SRGAP3: variants seen among roughly 807,000 people sequenced by gnomAD.
SRGAP3 encodes the protein SLIT-ROBO Rho GTPase-activating protein 3.
In SRGAP3, 39 loss-of-function variants were observed where a neutral mutation model predicts 121.1. The ratio of observed to expected loss-of-function variants is 0.32; its 90% CI spans 0.25 to 0.42. SRGAP3 has a LOEUF of 0.42. Ranked by LOEUF, SRGAP3 falls within the 10% of genes least tolerant of loss-of-function variation. SRGAP3 has a pLI of 1.00. For missense variants in SRGAP3, 1,213 were observed against 1,470.6 expected, an observed-to-expected ratio of 0.82 and a Z score of 2.86; for synonymous variants, 601 against 570.0, an observed-to-expected ratio of 1.05 and a Z score of -0.77.
chr3:9,090,604 A>G (rs1387937011), intron 3 of SRGAP3, among the ~76,000 whole-genome samples: 1 of 152,048 alleles, frequency 6.6e-6, no homozygotes, highest in Non-Finnish European at 1.5e-5. Flanking sequence ...AGGTCCTAAG[A>G]CTTTATGAGT....
chr3:9,208,547 C>G (rs373799964), intron 1 of SRGAP3, among the ~76,000 whole-genome samples: 1 of 152,210 alleles, frequency 6.6e-6, no homozygotes, highest in Non-Finnish European at 1.5e-5. Context: ...AGAGTTTGGG[C>G]AGCAGGTAAG....
chr3:9,338,954 C>T (rs956361300), intron 1 of SRGAP3, among the ~76,000 whole-genome samples: 1 of 152,196 alleles, frequency 6.6e-6, no homozygotes, highest in African/African-American at 2.4e-5. Flanking sequence ...AGCTAAAAAA[C>T]GTGCATTCTT....
intron 2 of SRGAP3, among the ~76,000 whole-genome samples, chr3:9,326,627 C>T (rs991577836): frequency 5.9e-5 from 9 of 151,676 alleles, no homozygotes; most frequent in Non-Finnish European, 1.3e-4. Flanking sequence ...AGTTGCTTCT[C>T]CAATTTAGGT....
At chr3:9,119,199 G>A (rs560819854) in intron 2 of SRGAP3, among the ~76,000 whole-genome samples, 1 of 152,256 alleles carries the variant, frequency 6.6e-6, no homozygotes, top group Admixed American at 6.5e-5. Context: ...GGCAGAAACA[G>A]GAGACATCCT....
rs549264067 is a variant in SRGAP3 at position 8,981,917 on chromosome 3, T to G, written c.*3602A>C. 1 of 227,390 alleles carries G rather than the reference T, an allele frequency of 4.4e-6. No individual in the cohort carries two copies. The highest frequency in any genetic ancestry group is 8.7e-6 in the Non-Finnish European group (1 of 114,352). 14.1% of individuals were successfully genotyped at this position (227,390 alleles called of 1,614,324 possible). A position where few individuals can be genotyped will look rare whatever the true frequency, so the allele number is the denominator to read the frequency against. ...CTCGCAATTCCCTCCGATTGTGCAC[T>G]CTGTCCGGGGTTCAAAAGGCGCTTC... On this transcript the variant is annotated 3_prime_UTR_variant, in exon 22 of 22. Coordinates refer to ENST00000383836, the MANE Select transcript of SRGAP3 (RefSeq NM_014850.4).
intron 3 of SRGAP3, among the ~76,000 whole-genome samples, chr3:9,308,488 T>C (rs530726675): frequency 6.6e-6 from 1 of 152,324 alleles, no homozygotes; most frequent in Admixed American, 6.5e-5. Flanking sequence ...CAGATCTTTT[T>C]ATGAGCATTT....
At chr3:9,349,912 C>T (rs2030001389) in intron 1 of SRGAP3, 1 of 152,136 alleles carries the variant, frequency 6.6e-6, no homozygotes, top group Admixed American at 6.5e-5. Context: ...TGTTTCGTGA[C>T]AATGAAATGC....
chr3:9,150,787 G>A (rs1259387408), intron 1 of SRGAP3, among the ~76,000 whole-genome samples: 1 of 152,226 alleles, frequency 6.6e-6, no homozygotes, highest in East Asian at 1.9e-4. Context: ...GAGGCTGTGT[G>A]TTGTGGCATT....
chr3:9,264,263 C>T (rs906972617), intron 3 of SRGAP3, among the ~76,000 whole-genome samples: 1 of 152,186 alleles, frequency 6.6e-6, no homozygotes, highest in Non-Finnish European at 1.5e-5. Context: ...CAGCCAGTAT[C>T]ATACTGAATG....
chr3:9,312,149 T>A (rs1955259218), intron 3 of SRGAP3, among the ~76,000 whole-genome samples: 1 of 152,160 alleles, frequency 6.6e-6, no homozygotes. Context: ...TTTTTTGTTG[T>A]TGTTGTTATT....
chr3:8,994,980 G>A (rs1351695192), intron 18 of SRGAP3, among the ~76,000 whole-genome samples: 3 of 152,128 alleles, frequency 2.0e-5, no homozygotes, highest in African/African-American at 4.8e-5. Context: ...TGCAAAATCC[G>A]ATACAGGATT....
intron 1 of SRGAP3, among the ~76,000 whole-genome samples, chr3:9,187,833 G>A (rs1353616675): frequency 7.2e-5 from 11 of 152,128 alleles, no homozygotes; most frequent in African/African-American, 2.4e-5. Context: ...ACTTATACCC[G>A]TCAGAGACGC....
intron 3 of SRGAP3, among the ~76,000 whole-genome samples, chr3:9,317,978 A>C (rs1955376098): frequency 6.6e-6 from 1 of 152,212 alleles, no homozygotes; most frequent in Non-Finnish European, 1.5e-5. Context: ...TTCTTAATCT[A>C]CTGCACAGTT....
intron 1 of SRGAP3, among the ~76,000 whole-genome samples, chr3:9,166,267 T>A (rs189558915): frequency 6.6e-6 from 1 of 152,348 alleles, no homozygotes; most frequent in East Asian, 1.9e-4. Flanking sequence ...TTCCTTCACC[T>A]CTGTAACCCC....
At position 9,178,828 on chromosome 3, in the gene SRGAP3, C is replaced by T. The variant is rs546559272; in HGVS notation, c.68-53911G>A. Among the ~76,000 whole-genome samples the T allele has an allele frequency of 8.8e-4, 134 of 152,306 alleles. 2 individuals carry two copies. Among genetic ancestry groups the T allele is most frequent in the South Asian group, 3.1e-3 (15 of 4,826 alleles). ...AACAAATAGGGCAGGATCTTTGTTC[C>T]GCCCTAGACCCGGAGATGTCTCTGG... On this transcript the variant is annotated intron_variant, in intron 1 of 21. Transcript: ENST00000383836.
intron 1 of SRGAP3, among the ~76,000 whole-genome samples, chr3:9,235,215 T>C (rs937839338): frequency 6.6e-6 from 1 of 152,190 alleles, no homozygotes; most frequent in Non-Finnish European, 1.5e-5. Context: ...CTATTTCAAG[T>C]CCTCAGCCTA....
intron 18 of SRGAP3, 128 bp from the exon 19 acceptor site, chr3:8,994,651 C>T (rs1165829020): frequency 1.7e-5 from 21 of 1,243,096 alleles, no homozygotes; most frequent in East Asian, 2.4e-5. Context: ...ATGGACAGAA[C>T]GCCTGGTGGG....
intron 1 of SRGAP3, among the ~76,000 whole-genome samples, chr3:9,171,671 G>C: frequency 6.6e-6 from 1 of 152,092 alleles, no homozygotes; most frequent in Admixed American, 6.5e-5. Flanking sequence ...AATAGCCCCT[G>C]TGTGCCCAAA....
chr3:9,297,328 G>T (rs917458376), intron 3 of SRGAP3, among the ~76,000 whole-genome samples: 1 of 152,072 alleles, frequency 6.6e-6, no homozygotes, highest in Non-Finnish European at 1.5e-5. Context: ...ACACTTGTGG[G>T]TAAGAATAAT....
Sources: gnomAD v4.1 joint callset for allele counts (sites outside exome capture counted in the v4.1 genomes callset) on GRCh38, gnomAD v4.1.1 for gene constraint, MANE v1.5 for transcripts, NCBI Gene and HGNC (gene_info 2026-07-23, HGNC 2026-07-21) for gene names.